The following NOTCH4 variants were observed in gnomAD, a reference collection of about 807,000 sequenced individuals.
NOTCH4 encodes notch receptor 4, also known as neurogenic locus notch homolog protein 4.
NOTCH4 carries 138 observed loss-of-function variants against 189.0 expected under a neutral mutation model. The observed-to-expected ratio is 0.73, with a 90% confidence interval of 0.64 to 0.84. NOTCH4 has a LOEUF of 0.84. Ranked by LOEUF, NOTCH4 falls within the 40% of genes least tolerant of loss-of-function variation. NOTCH4 has a pLI of 0.00. For missense variants in NOTCH4, 2,286 were observed against 2,605.4 expected, an observed-to-expected ratio of 0.88 and a Z score of 2.67; for synonymous variants, 942 against 1,032.8, an observed-to-expected ratio of 0.91 and a Z score of 1.69.
chr6:32,208,076 A>G (rs1178183974), intron 18 of NOTCH4, among the ~76,000 whole-genome samples: 1 of 152,120 alleles, frequency 6.6e-6, no homozygotes, highest in Admixed American at 6.6e-5. Context: ...TTTTTGGGTA[A>G]GACCTCAACA....
chr6:32,214,097 G>C lies in NOTCH4; in HGVS notation c.2167+13C>G. The C allele has an allele frequency of 1.2e-6, 2 of 1,603,654 alleles. No homozygotes were observed. Among genetic ancestry groups the C allele is most frequent in the Non-Finnish European group, 1.7e-6 (2 of 1,175,136 alleles). ...ACCAGCACAGGGTGTATATGGTTTA[G>C]GGAGGGTCTCACCTGTGTAGCCTGT... is the stretch of plus-strand genomic sequence containing the variant. On this transcript the variant is annotated intron_variant, in intron 13 of 29. Coordinates refer to ENST00000375023, the MANE Select transcript of NOTCH4 (RefSeq NM_004557.4).
At chr6:32,208,138 G>A (rs1788813516) in intron 18 of NOTCH4, among the ~76,000 whole-genome samples, 2 of 151,984 alleles carry the variant, frequency 1.3e-5, no homozygotes, top group Non-Finnish European at 2.9e-5. Flanking sequence ...AAGCTAAAAA[G>A]TGTCTGTGCA....
At position 32,195,935 on chromosome 6, in the gene NOTCH4, C is replaced by G. The variant is rs1787871368; in HGVS notation, c.5514G>C (p.Gly1838=). The change falls in exon 30 of 30, where the codon GGG becomes GGC. Residue 1838 remains glycine, a synonymous_variant. Transcript: ENST00000375023. This position sits in a 1 kb window ranked among gnomAD's most constrained non-coding sequence, Gnocchi z 5.4. The part of the protein sequence containing the change: ...RHKATPGREA[G]PFPRARTVSV... The stretch of plus-strand genomic sequence containing the variant: ...ACACCGTCCGTGCGCGCGGGAAGGG[C>G]CCAGCCTCGCGGCCCGGCGTGGCTT... 1 of 1,589,260 alleles carries G rather than the reference C, an allele frequency of 6.3e-7. No individual in the cohort carries two copies. Among genetic ancestry groups the G allele is most frequent in the Admixed American group, 1.7e-5 (1 of 58,656 alleles).
intron 1 of NOTCH4, 63 bp downstream of exon 1, chr6:32,223,793 C>A (rs1789947801): frequency 1.2e-5 from 19 of 1,531,602 alleles, no homozygotes; most frequent in South Asian, 8.1e-5. Context: ...CCTCTTCCCC[C>A]ACCCCACTGA....
chr6:32,204,439 G>A (rs2127469654), intron 18 of NOTCH4, 50 bp from the exon 19 acceptor site: 2 of 1,590,252 alleles, frequency 1.3e-6, no homozygotes, highest in Non-Finnish European at 1.7e-6. Flanking sequence ...GCCCAACCCA[G>A]CACTACAAGG....
At position 32,219,805 on chromosome 6, in the gene NOTCH4, TGG is replaced by T; in HGVS notation, c.1316-21_1316-20del. 1 of 1,604,500 alleles carries T rather than the reference TGG, an allele frequency of 6.2e-7. No homozygotes were observed. Among genetic ancestry groups the T allele is most frequent in the South Asian group, 1.1e-5 (1 of 89,982 alleles). On this transcript the variant is annotated intron_variant, in intron 7 of 29. Transcript: ENST00000375023. ...TGCTGGGCTGGGAGGAGAGAAGAGCTGGGAGTCCACAGGGGTCAGGGCAGGAA... is the reference window on the plus strand; with the variant it reads ...TGCTGGGCTGGGAGGAGAGAAGAGCTGAGTCCACAGGGGTCAGGGCAGGAA...
intron 8 of NOTCH4, 113 bp from the exon 9 acceptor site, chr6:32,218,221 G>A (rs1486763976): frequency 1.4e-6 from 1 of 693,774 alleles, no homozygotes; most frequent in African/African-American, 1.8e-5. Flanking sequence ...CCTCCCCCGA[G>A]GTGCTGTCTG....
chr6:32,217,828 G>A lies in NOTCH4; in HGVS notation c.1624+167C>T, dbSNP rs2854050. On this transcript the variant is annotated intron_variant, in intron 9 of 29. Coordinates refer to ENST00000375023, the MANE Select transcript of NOTCH4 (RefSeq NM_004557.4). The surrounding 1 kb of genome is among the most constrained non-coding windows in gnomAD (Gnocchi z 4.2). ...GAGAATGGGCAAGTAAGCAAGGGAAGATTTGGGGATGTAAGAGTAGAGATT... is the reference window on the plus strand; with the variant it reads ...GAGAATGGGCAAGTAAGCAAGGGAAAATTTGGGGATGTAAGAGTAGAGATT... 0.056 allele frequency among the ~76,000 whole-genome samples: 8,584 copies of A among 152,298 alleles called. 333 individuals carry two copies. The highest frequency in any genetic ancestry group is 0.2 in the East Asian group (1,009 of 5,170).
chr6:32,216,347 C>T (rs1156421485), intron 11 of NOTCH4: 2 of 156,958 alleles, frequency 1.3e-5, no homozygotes, highest in South Asian at 1.9e-4. Flanking sequence ...AGGCTGATCT[C>T]GAACTCCTAA....
rs1219819347 is a variant in NOTCH4, at chr6:32,201,523, C to T, written c.3756-23G>A. 1.4e-6 allele frequency: 2 copies of T among 1,450,782 alleles called. No homozygotes were observed. The highest frequency in any genetic ancestry group is 1.6e-5 in the South Asian group (1 of 63,424). The allele number at this position is 1,450,782 out of a possible 1,614,324, so 89.9% of individuals were successfully genotyped here. ...GGACTGTGGGGTAAGGAGAGGGGGA[C>T]TCAGGACCTCCCTAAAACCTGACTC... On this transcript the variant is annotated intron_variant, in intron 21 of 29. Coordinates refer to ENST00000375023, the MANE Select transcript of NOTCH4 (RefSeq NM_004557.4). This position sits in a 1 kb window ranked among gnomAD's most constrained non-coding sequence, Gnocchi z 5.5.
chr6:32,204,529 T>C, intron 18 of NOTCH4, 140 bp from the exon 19 acceptor site: 1 of 911,664 alleles, frequency 1.1e-6, no homozygotes, highest in Non-Finnish European at 1.6e-6. Flanking sequence ...ATCATGGCCA[T>C]GTGTCACAAT....
In NOTCH4 at chr6:32,202,081, G is replaced by C; in HGVS notation, c.3750C>G (p.Ala1250=). 1 of 1,470,340 alleles carries C rather than the reference G, an allele frequency of 6.8e-7. No homozygotes were observed. Among genetic ancestry groups the C allele is most frequent in the South Asian group, 1.5e-5 (1 of 65,258 alleles). The allele number at this position is 1,470,340 out of a possible 1,614,324, so 91.1% of individuals were successfully genotyped here. A position where few individuals can be genotyped will look rare whatever the true frequency, so the allele number is the denominator to read the frequency against. ...FDGYDCETPP[A]CTPAYDQYCH... ...CCAGTGGATTTCAGGCTCACGTGCA[G>C]GCTGGAGGGGTCTCACAGTCGTAGC... Residue 1250 remains alanine, a synonymous_variant, in exon 21 of 30, where the codon GCC becomes GCG. Transcript: ENST00000375023. This position sits in a 1 kb window ranked among gnomAD's most constrained non-coding sequence, Gnocchi z 5.7.
Position 32,219,738 on chromosome 6 carries a change from G to A in NOTCH4, c.1364C>T (p.Thr455Ile), listed in dbSNP as rs1470084434. Residue 455 changes from threonine to isoleucine, a missense_variant, in exon 8 of 30, where the codon ACT becomes ATT. This residue lies in a region of NOTCH4 where 1,903 missense variants were observed against 2,261.9 expected (regional missense o/e 0.84). Transcript: ENST00000375023. Reference protein sequence around the residue: ...PCEHGGSCLNTPGSFNCLCPP... With the variant: ...PCEHGGSCLNIPGSFNCLCPP... ...ACAGAGGCAGTTGAAGGAGCCAGGAGTGTTGAGGCAGGAACCGCCATGTTC... is the reference window on the plus strand; with the variant it reads ...ACAGAGGCAGTTGAAGGAGCCAGGAATGTTGAGGCAGGAACCGCCATGTTC... 1.2e-6 allele frequency: 2 copies of A among 1,613,086 alleles called. No individual in the cohort carries two copies. Among genetic ancestry groups the A allele is most frequent in the East Asian group, 2.2e-5 (1 of 44,858 alleles).
rs1407717270 is a variant in NOTCH4 at position 32,220,596 on chromosome 6, G to C, written c.968C>G (p.Pro323Arg). The C allele has an allele frequency of 6.2e-7, 1 of 1,613,960 alleles. No homozygotes were observed. Among genetic ancestry groups the C allele is most frequent in the Admixed American group, 1.7e-5 (1 of 60,022 alleles). Residue 323 changes from proline to arginine, a missense_variant, in exon 6 of 30, where the codon CCC (proline) becomes CGC (arginine). Coordinates refer to ENST00000375023, the MANE Select transcript of NOTCH4 (RefSeq NM_004557.4). The stretch of plus-strand genomic sequence containing the variant: ...GGTGCCCCCGTTTCTGCAGTGAGGG[G>C]GACCCTGGGTCTCACACTCATCCAC... The part of the protein sequence containing the change: ...EDVDECETQG[P>R]PHCRNGGTCQ...
chr6:32,197,014 G>C lies in NOTCH4; in HGVS notation c.5111C>G (p.Pro1704Arg). 6.2e-7 allele frequency: 1 copy of C among 1,612,942 alleles called. No homozygotes were observed. Among genetic ancestry groups the C allele is most frequent in the Non-Finnish European group, 8.5e-7 (1 of 1,180,030 alleles). Reference sequence around the variant, plus strand: ...CGCCAGCCTGGCAGCCAGCATCAAGGGTGTGGTCCCGTCCTCTGTGCGAGC... The same window carrying C: ...CGCCAGCCTGGCAGCCAGCATCAAGCGTGTGGTCCCGTCCTCTGTGCGAGC... ...VDARTEDGTT[P>R]LMLAARLAVE... The change falls in exon 28 of 30, where the codon CCC (proline) becomes CGC (arginine). Residue 1704 changes from proline to arginine, a missense_variant. This residue lies in a region of NOTCH4 where 1,903 missense variants were observed against 2,261.9 expected (regional missense o/e 0.84). Coordinates refer to ENST00000375023, the MANE Select transcript of NOTCH4 (RefSeq NM_004557.4).
intron 12 of NOTCH4, among the ~76,000 whole-genome samples, chr6:32,214,482 T>C (rs920992253): frequency 3.3e-5 from 4 of 122,296 alleles, no homozygotes; most frequent in Admixed American, 8.3e-5. Flanking sequence ...TATATATATA[T>C]ATACACACAT....
chr6:32,216,440 T>C, intron 11 of NOTCH4: 1 of 187,492 alleles, frequency 5.3e-6, no homozygotes, highest in Non-Finnish European at 1.1e-5. Flanking sequence ...TGCTTATCTT[T>C]CAAGACTCAT....
chr6:32,202,420 G>A lies in NOTCH4; in HGVS notation c.3411C>T (p.Pro1137=), dbSNP rs764144645. The A allele has an allele frequency of 1.2e-5, 19 of 1,612,192 alleles. No homozygotes were observed. In the African/African-American group the frequency reaches 1.7e-4, roughly 15 times the overall value. ...TPPAPKGCGP[P]SPCLYNGSCS... is the part of the protein sequence containing the mutation. ...AGCTGCCATTGTATAGGCATGGGGA[G>A]GGAGGGCCACAGCCTTTAGGAGCTG... Residue 1137 remains proline (P), a synonymous_variant, in exon 21 of 30, where the codon CCC becomes CCT. Coordinates refer to ENST00000375023, the MANE Select transcript of NOTCH4 (RefSeq NM_004557.4). The surrounding 1 kb of genome is among the most constrained non-coding windows in gnomAD (Gnocchi z 5.7).
Position 32,202,345 on chromosome 6 carries a change from A to G in NOTCH4, c.3486T>C (p.Pro1162=). 1 of 1,612,864 alleles carries G rather than the reference A, an allele frequency of 6.2e-7. No individual in the cohort carries two copies. Among genetic ancestry groups the G allele is most frequent in the Non-Finnish European group, 8.5e-7 (1 of 1,179,952 alleles). Residue 1162 remains proline, a synonymous_variant, in exon 21 of 30, where the codon CCT becomes CCC. Transcript: ENST00000375023. The surrounding 1 kb of genome is among the most constrained non-coding windows in gnomAD (Gnocchi z 5.7). ...GACACCGGGGCCCTGGAGAGCTGTG[A>G]GGGCAGGAGCATCGAAAGCCTGGGC... ...LGGPGFRCSC[P]HSSPGPRCQK...
Sources: gnomAD v4.1 joint callset for allele counts (sites outside exome capture counted in the v4.1 genomes callset) on GRCh38, gnomAD v4.1.1 for gene constraint, gnomAD v4.1.1 regional missense constraint, Gnocchi (gnomAD v3.1) non-coding constraint, MANE v1.5 for transcripts, NCBI Gene and HGNC (gene_info 2026-07-23, HGNC 2026-07-21) for gene names.